Variants in PIWIL4 observed in about 807,000 individuals in gnomAD.
The protein encoded by PIWIL4 is piwi-like protein 4.
A neutral mutation model predicts 100.9 loss-of-function variants in PIWIL4; 50 were observed. The ratio of observed to expected loss-of-function variants is 0.50; its 90% CI spans 0.39 to 0.63. The LOEUF is 0.63. Among genes scored for constraint, PIWIL4 ranks in the 20% least tolerant of loss-of-function variants. The pLI is 0.00. For synonymous variants in PIWIL4, 342 were observed against 367.5 expected, an observed-to-expected ratio of 0.93 and a Z score of 0.79; for missense variants, 887 against 1,043.3, an observed-to-expected ratio of 0.85 and a Z score of 2.06.
intron 11 of PIWIL4, among the ~76,000 whole-genome samples, chr11:94,599,443 T>C (rs1948605430): frequency 6.6e-6 from 1 of 152,138 alleles, no homozygotes; most frequent in Admixed American, 6.5e-5. Context: ...GAACTAAAAG[T>C]TCATAGGACT....
chr11:94,599,649 T>TCCAGCCCAG (rs1180977431), intron 11 of PIWIL4, among the ~76,000 whole-genome samples: 4 of 152,266 alleles, frequency 2.6e-5, no homozygotes, highest in African/African-American at 9.6e-5. Context: ...TGGGGCTGAA[T>TCCAGCCCAG]CCAGCCCAGC....
In PIWIL4 at chr11:94,617,980, A is replaced by T; in HGVS notation, c.2041A>T (p.Asn681Tyr). 6.2e-7 allele frequency: 1 copy of T among 1,613,930 alleles called. No homozygotes were observed. The highest frequency in any genetic ancestry group is 8.5e-7 in the Non-Finnish European group (1 of 1,179,894). Residue 681 changes from asparagine to tyrosine, a missense_variant, in exon 17 of 20, where the codon AAT becomes TAT. This residue lies in a region of PIWIL4 where 741 missense variants were observed against 930.0 expected (regional missense o/e 0.80). Coordinates refer to ENST00000299001, the MANE Select transcript of PIWIL4 (RefSeq NM_152431.3). ...TGALNKWYKYNHDLPARIIVY... is the reference protein window; with the variant it reads ...TGALNKWYKYYHDLPARIIVY... ...AGCACTCAACAAATGGTACAAGTACAATCATGATTTGCCAGCACGGATAAT... is the reference window on the plus strand; with the variant it reads ...AGCACTCAACAAATGGTACAAGTACTATCATGATTTGCCAGCACGGATAAT...
At chr11:94,601,067 A>T (rs1366515245) in intron 11 of PIWIL4, among the ~76,000 whole-genome samples, 1 of 149,942 alleles carries the variant, frequency 6.7e-6, no homozygotes, top group East Asian at 2.0e-4. Flanking sequence ...GGCGACATGC[A>T]TCCTCCTCGG....
chr11:94,598,337 A>T (rs1164616996), intron 11 of PIWIL4, among the ~76,000 whole-genome samples: 1 of 152,196 alleles, frequency 6.6e-6, no homozygotes. Context: ...TTTAGTTGCC[A>T]TGTCAGTTAT....
At chr11:94,617,707 A>C (rs1235369181) in intron 16 of PIWIL4, 3 of 427,784 alleles carry the variant, frequency 7.0e-6, no homozygotes, top group Non-Finnish European at 1.2e-5. Flanking sequence ...ATTTAAAGAG[A>C]TAGGCCAAGT....
At chr11:94,620,470 T>C (rs1948893630) in intron 19 of PIWIL4, among the ~76,000 whole-genome samples, 1 of 152,302 alleles carries the variant, frequency 6.6e-6, no homozygotes, top group South Asian at 2.1e-4. Context: ...GATGAAGAAA[T>C]TGAAGCCAAC....
In PIWIL4 at chr11:94,597,815, C is replaced by T; in HGVS notation, c.1280C>T (p.Ala427Val). 2 of 1,612,454 alleles carry T rather than the reference C, an allele frequency of 1.2e-6. No individual in the cohort carries two copies. Among genetic ancestry groups the T allele is most frequent in the East Asian group, 2.2e-5 (1 of 44,844 alleles). Residue 427 changes from alanine (A) to valine (V), a missense_variant, in exon 11 of 20, where the codon GCT becomes GTT. Ala to Val is a moderately conservative substitution (Grantham distance 64, BLOSUM62 0). Transcript: ENST00000299001. ...LVDNIQRNTNARFELETWGLH... is the reference protein window; with the variant it reads ...LVDNIQRNTNVRFELETWGLH... ...AACTTTATCAACAGGAATACCAATG[C>T]TCGCTTTGAACTAGAGACCTGGGGA...
intron 12 of PIWIL4, among the ~76,000 whole-genome samples, chr11:94,603,070 C>G (rs974223535): frequency 1.3e-5 from 2 of 152,106 alleles, no homozygotes; most frequent in African/African-American, 4.8e-5. Flanking sequence ...ATCCATTTAC[C>G]TGTTAGATTT....
intron 2 of PIWIL4, among the ~76,000 whole-genome samples, chr11:94,574,729 G>A (rs1169227154): frequency 6.6e-6 from 1 of 152,102 alleles, no homozygotes; most frequent in Non-Finnish European, 1.5e-5. Flanking sequence ...CGATCCGCCC[G>A]CCATGACCTC....
intron 2 of PIWIL4, among the ~76,000 whole-genome samples, chr11:94,570,048 A>G (rs1320553437): frequency 1.3e-5 from 2 of 152,206 alleles, no homozygotes; most frequent in Non-Finnish European, 2.9e-5. Flanking sequence ...GGTATCTACC[A>G]GTGCATGTAG....
chr11:94,594,699 G>A (rs10831248), intron 9 of PIWIL4, among the ~76,000 whole-genome samples: 19,389 of 151,750 alleles, frequency 0.13, 1,811 homozygotes, highest in African/African-American at 0.26. Flanking sequence ...CGCCTGGCTA[G>A]TTTTGTATTT....
chr11:94,604,563 G>C (rs1948690783), intron 13 of PIWIL4, among the ~76,000 whole-genome samples: 1 of 152,198 alleles, frequency 6.6e-6, no homozygotes, highest in African/African-American at 2.4e-5. Flanking sequence ...GGGCATGTGT[G>C]TGTAGCTGAC....
At chr11:94,591,451 C>T (rs1452906759) in intron 8 of PIWIL4, among the ~76,000 whole-genome samples, 1 of 152,208 alleles carries the variant, frequency 6.6e-6, no homozygotes, top group African/African-American at 2.4e-5. Context: ...TTCTTGAACA[C>T]GTATTCCTTG....
chr11:94,578,152 G>A (rs2186624), intron 4 of PIWIL4, among the ~76,000 whole-genome samples: 34,822 of 151,954 alleles, frequency 0.23, 4,353 homozygotes, highest in East Asian at 0.29. Context: ...TCCACCTCTC[G>A]GTAGTGATTG....
intron 3 of PIWIL4, among the ~76,000 whole-genome samples, chr11:94,576,883 A>C (rs1442370073): frequency 6.6e-6 from 1 of 152,206 alleles, no homozygotes; most frequent in Admixed American, 6.5e-5. Flanking sequence ...TCATAGTAAG[A>C]ACCAGACTGT....
chr11:94,608,514 T>C, intron 14 of PIWIL4, 69 bp from the exon 15 acceptor site: 5 of 1,374,076 alleles, frequency 3.6e-6, no homozygotes, highest in Non-Finnish European at 5.2e-6. Flanking sequence ...TTAAAAACTT[T>C]CCTATTAAAC....
chr11:94,608,552 C>T, intron 14 of PIWIL4, 31 bp from the exon 15 acceptor site: 1 of 1,559,480 alleles, frequency 6.4e-7, no homozygotes, highest in South Asian at 1.1e-5. Context: ...ATACCTCATC[C>T]CATTAAATCA....
At chr11:94,586,855 A>T (rs1948407111) in intron 6 of PIWIL4, among the ~76,000 whole-genome samples, 195 bp from the exon 7 acceptor site, 2 of 152,198 alleles carry the variant, frequency 1.3e-5, no homozygotes, top group African/African-American at 4.8e-5. Flanking sequence ...AAGGTATTTT[A>T]TCCTAAATGT....
intron 10 of PIWIL4, among the ~76,000 whole-genome samples, chr11:94,596,610 A>G (rs1948562170): frequency 6.6e-6 from 1 of 152,168 alleles, no homozygotes; most frequent in African/African-American, 2.4e-5. Flanking sequence ...TTTCATGGAT[A>G]TACTTTACGT....
Sources: allele counts gnomAD v4.1 joint callset (sites outside exome capture counted in the v4.1 genomes callset), GRCh38; gene constraint gnomAD v4.1.1; regional missense constraint gnomAD v4.1.1; transcripts MANE v1.5; gene names NCBI Gene and HGNC (gene_info 2026-07-23, HGNC 2026-07-21).